Variants in CLIP2 observed in about 807,000 individuals in gnomAD.
CLIP2 encodes CAP-Gly domain-containing linker protein 2.
In CLIP2, 41 loss-of-function variants were observed where a neutral mutation model predicts 111.7. The observed-to-expected ratio is 0.37, with a 90% confidence interval of 0.29 to 0.48. The LOEUF (loss-of-function observed/expected upper bound fraction) is 0.48. Among genes scored for constraint, CLIP2 ranks in the 20% least tolerant of loss-of-function variants. The pLI, the probability that CLIP2 is intolerant of heterozygous loss-of-function variation, is 0.99. For synonymous variants in CLIP2, 660 were observed against 644.2 expected, an observed-to-expected ratio of 1.02 and a Z score of -0.37; for missense variants, 1,160 against 1,422.1, an observed-to-expected ratio of 0.82 and a Z score of 2.96.
At chr7:74,395,990 G>C (rs1791436249) in intron 13 of CLIP2, among the ~76,000 whole-genome samples, 1 of 152,184 alleles carries the variant, frequency 6.6e-6, no homozygotes, top group Non-Finnish European at 1.5e-5. Context: ...AGGGAAGGGA[G>C]CTGTGCCAGC....
At chr7:74,306,465 C>T (rs1788490616) in intron 1 of CLIP2, among the ~76,000 whole-genome samples, 1 of 152,198 alleles carries the variant, frequency 6.6e-6, no homozygotes, top group East Asian at 1.9e-4. Context: ...CGCTTCCTGG[C>T]TCCTGCCTCC....
Position 74,404,140 on chromosome 7 carries a change from G to C in CLIP2, c.*292G>C. On this transcript the variant is annotated 3_prime_UTR_variant, in exon 17 of 17. Transcript: ENST00000223398. ...TCTGGAGTTTGTCAGTGGAGGCAGA[G>C]GGGATCCGGCCAGGCCCCTCTGTCC... 4.5e-6 allele frequency: 2 copies of C among 447,794 alleles called. No homozygotes were observed. The highest frequency in any genetic ancestry group is 4.5e-5 in the South Asian group (2 of 44,260). 27.7% of individuals were successfully genotyped at this position (447,794 alleles called of 1,614,324 possible).
At chr7:74,327,507 A>C (rs476789) in intron 2 of CLIP2, among the ~76,000 whole-genome samples, 93,194 of 151,998 alleles carry the variant, frequency 0.61, 30,617 homozygotes, top group Non-Finnish European at 0.74. Context: ...CCACCCCCAC[A>C]GAGGATGGTG....
chr7:74,305,656 G>A (rs994635021), intron 1 of CLIP2, among the ~76,000 whole-genome samples: 1 of 152,132 alleles, frequency 6.6e-6, no homozygotes, highest in African/African-American at 2.4e-5. Flanking sequence ...ACCACGCCCA[G>A]CTAATTTTTC....
intron 1 of CLIP2, among the ~76,000 whole-genome samples, chr7:74,297,152 G>T (rs938871799): frequency 6.6e-6 from 1 of 152,104 alleles, no homozygotes; most frequent in Non-Finnish European, 1.5e-5. Flanking sequence ...AAGCTCAAGA[G>T]AGCCTCTAAG....
rs191562033 is a variant in CLIP2 at position 74,358,674 on chromosome 7, A to G, written c.1215+1197A>G. 6.6e-3 allele frequency among the ~76,000 whole-genome samples: 1,000 copies of G among 151,162 alleles called. 44 individuals are homozygous for G. The highest frequency in any genetic ancestry group is 0.056 in the Admixed American group (854 of 15,140). ...ATAGCTCCACTCCTGGGTTCAAGTG[A>G]TCCTCCCACCTCAGCCTCCTGAGTG... On this transcript the variant is annotated intron_variant, in intron 6 of 16. Transcript: ENST00000223398.
chr7:74,368,952 C>T (rs1790529714), intron 8 of CLIP2, among the ~76,000 whole-genome samples: 1 of 152,212 alleles, frequency 6.6e-6, no homozygotes, highest in Non-Finnish European at 1.5e-5. Context: ...GTGGCTCACA[C>T]CTGCAATCCC....
intron 8 of CLIP2, 144 bp from the exon 9 acceptor site, chr7:74,372,788 T>C (rs1790665875): frequency 3.2e-6 from 2 of 626,526 alleles, no homozygotes; most frequent in Non-Finnish European, 5.6e-6. Flanking sequence ...CTCATGAATC[T>C]ACTCTCCTCG....
intron 10 of CLIP2, 43 bp from the exon 11 acceptor site, chr7:74,380,762 AG>A: frequency 1.9e-6 from 3 of 1,544,816 alleles, no homozygotes; most frequent in Non-Finnish European, 2.6e-6. Context: ...GCTGGGGCCA[AG>A]GGGCAGAGGT....
chr7:74,317,392 C>T (rs944557025), intron 1 of CLIP2, 88 bp from the exon 2 acceptor site: 15 of 921,976 alleles, frequency 1.6e-5, no homozygotes, highest in South Asian at 4.6e-5. Flanking sequence ...CAGCCCACCT[C>T]AGGAGGGATG....
At chr7:74,331,198 T>C (rs1584332079) in intron 2 of CLIP2, among the ~76,000 whole-genome samples, 1 of 80,962 alleles carries the variant, frequency 1.2e-5, no homozygotes, top group Admixed American at 2.3e-4. Context: ...AGAGTGAGAC[T>C]CCATCTCAAA....
Position 74,376,845 on chromosome 7 carries a change from G to A in CLIP2, c.2421+23G>A. On this transcript the variant is annotated intron_variant, in intron 10 of 16. Transcript: ENST00000223398. This position sits in a 1 kb window ranked among gnomAD's most constrained non-coding sequence, Gnocchi z 7.1. ...CACGTAGGCGCCTGCCCCTCCTGCT[G>A]GGGCGGGAGGGTCGGGCTGGGGAGG... is the stretch of plus-strand genomic sequence containing the variant. 1 of 1,533,120 alleles carries A rather than the reference G, an allele frequency of 6.5e-7. No homozygotes were observed. Among genetic ancestry groups the A allele is most frequent in the Non-Finnish European group, 8.8e-7 (1 of 1,140,892 alleles). 95.0% of individuals were successfully genotyped at this position (1,533,120 alleles called of 1,614,324 possible). A position where few individuals can be genotyped will look rare whatever the true frequency, so the allele number is the denominator to read the frequency against.
intron 11 of CLIP2, among the ~76,000 whole-genome samples, chr7:74,381,229 G>A (rs1161264680): frequency 1.3e-5 from 2 of 151,452 alleles, no homozygotes; most frequent in East Asian, 1.9e-4. Context: ...TCGCTCTGTC[G>A]CCAGGCTGGA....
chr7:74,294,137 G>A (rs1403920320), intron 1 of CLIP2, among the ~76,000 whole-genome samples: 1 of 152,050 alleles, frequency 6.6e-6, no homozygotes, highest in Non-Finnish European at 1.5e-5. Context: ...GGCTGGTTTC[G>A]AACTCCTGAC....
intron 16 of CLIP2, among the ~76,000 whole-genome samples, chr7:74,401,928 G>A (rs977488185): frequency 1.3e-5 from 2 of 151,376 alleles, no homozygotes; most frequent in African/African-American, 4.9e-5. Context: ...AGCCGGGTAG[G>A]GTGGACAATA....
rs546347430 is a variant in CLIP2 at position 74,293,550 on chromosome 7, G to A, written c.-68+3816G>A. On this transcript the variant is annotated intron_variant, in intron 1 of 16. Transcript: ENST00000223398. ...CCCACCCGCCTCTGCTCGGCTAGTG[G>A]GGGGGCAGGTCACGTGGTCTCTGGG... 2.0e-3 allele frequency among the ~76,000 whole-genome samples: 310 copies of A among 152,244 alleles called. 1 individual carries two copies. The highest frequency in any genetic ancestry group is 7.3e-3 in the African/African-American group (304 of 41,544).
At chr7:74,385,013 A>G (rs550983559) in intron 11 of CLIP2, among the ~76,000 whole-genome samples, 1 of 150,714 alleles carries the variant, frequency 6.6e-6, no homozygotes, top group African/African-American at 2.4e-5. Context: ...GCGGTGGCTC[A>G]TGCCTATAAT....
intron 1 of CLIP2, among the ~76,000 whole-genome samples, chr7:74,296,116 T>C (rs1554726071): frequency 6.6e-6 from 1 of 151,664 alleles, no homozygotes; most frequent in East Asian, 1.9e-4. Context: ...GAAAAGGACA[T>C]TTGGACACAG....
chr7:74,367,632 A>C (rs781991022), intron 8 of CLIP2, among the ~76,000 whole-genome samples: 2 of 152,176 alleles, frequency 1.3e-5, no homozygotes, highest in Non-Finnish European at 2.9e-5. Context: ...GGCTAAGGTC[A>C]CATTCTGAGG....
Sources: gnomAD v4.1 joint callset for allele counts (sites outside exome capture counted in the v4.1 genomes callset) on GRCh38, gnomAD v4.1.1 for gene constraint, Gnocchi (gnomAD v3.1) non-coding constraint, MANE v1.5 for transcripts, NCBI Gene and HGNC (gene_info 2026-07-23, HGNC 2026-07-21) for gene names.